Variants in FBN2 observed in about 807,000 individuals in gnomAD.
FBN2 encodes the protein fibrillin-2.
A neutral mutation model predicts 355.6 loss-of-function variants in FBN2; 105 were observed. The ratio of observed to expected loss-of-function variants is 0.30; its 90% confidence interval spans 0.25 to 0.35. The LOEUF is 0.35. FBN2 is among the 10% of genes least tolerant of loss of function. The probability of loss-of-function intolerance (pLI) is 1.00; values close to 1 mark genes in which losing one functional copy is unlikely to be tolerated. For synonymous variants in FBN2, 1,350 were observed against 1,301.2 expected, an observed-to-expected ratio of 1.04 and a Z score of -0.81; for missense variants, 3,280 against 3,758.7, an observed-to-expected ratio of 0.87 and a Z score of 3.33.
chr5:128,493,727 T>C (rs891075274), intron 5 of FBN2, among the ~76,000 whole-genome samples: 8 of 152,160 alleles, frequency 5.3e-5, no homozygotes, highest in African/African-American at 1.9e-4. Context: ...GACTGCTACA[T>C]GGTCTAAGAA....
chr5:128,298,134 T>C (rs1006641902), intron 48 of FBN2, among the ~76,000 whole-genome samples: 4 of 151,776 alleles, frequency 2.6e-5, no homozygotes, highest in Non-Finnish European at 5.9e-5. Flanking sequence ...GGGTTGAAAA[T>C]TCTTTTCTTT....
At chr5:128,273,497 C>A (rs889252296) in intron 61 of FBN2, among the ~76,000 whole-genome samples, 1 of 152,164 alleles carries the variant, frequency 6.6e-6, no homozygotes, top group Non-Finnish European at 1.5e-5. Flanking sequence ...AATCATGGAA[C>A]AAAAGGCCAA....
At chr5:128,412,235 A>G (rs1163292071) in intron 7 of FBN2, among the ~76,000 whole-genome samples, 1 of 152,232 alleles carries the variant, frequency 6.6e-6, no homozygotes, top group Non-Finnish European at 1.5e-5. Flanking sequence ...TGTCTTGTTC[A>G]GTTTCTGTGA....
intron 36 of FBN2, among the ~76,000 whole-genome samples, chr5:128,317,839 C>T (rs1335739302): frequency 1.3e-5 from 2 of 152,156 alleles, no homozygotes; most frequent in African/African-American, 2.4e-5. Context: ...AGCTATACCA[C>T]CACTCTGGGT....
At chr5:128,412,756 T>C (rs1379356607) in intron 7 of FBN2, among the ~76,000 whole-genome samples, 2 of 152,210 alleles carry the variant, frequency 1.3e-5, no homozygotes, top group Non-Finnish European at 2.9e-5. Flanking sequence ...CTGAAGGTGA[T>C]GAATAGTGTC....
chr5:128,418,695 T>C (rs1039917971), intron 7 of FBN2, among the ~76,000 whole-genome samples: 3 of 152,210 alleles, frequency 2.0e-5, no homozygotes, highest in African/African-American at 7.2e-5. Flanking sequence ...CTTATTGATT[T>C]CTTGTTTTAT....
intron 16 of FBN2, among the ~76,000 whole-genome samples, chr5:128,368,433 TACAC>T (rs201535383): frequency 1.3e-4 from 18 of 135,216 alleles, no homozygotes; most frequent in South Asian, 7.0e-4. Context: ...TATATATATA[TACAC>T]ATATATACAT....
intron 11 of FBN2, among the ~76,000 whole-genome samples, chr5:128,380,614 C>T (rs888540963): frequency 6.6e-6 from 1 of 152,104 alleles, no homozygotes; most frequent in Non-Finnish European, 1.5e-5. Context: ...TAATCGTTCA[C>T]TTAATTTTGG....
At chr5:128,505,097 C>T (rs1030280204) in intron 5 of FBN2, among the ~76,000 whole-genome samples, 1 of 152,202 alleles carries the variant, frequency 6.6e-6, no homozygotes, top group African/African-American at 2.4e-5. Flanking sequence ...CATTTGCCTT[C>T]TGCCGTGATT....
At chr5:128,392,990 C>G in intron 10 of FBN2, 145 bp downstream of exon 10, 2 of 442,580 alleles carry the variant, frequency 4.5e-6, no homozygotes, top group South Asian at 6.4e-5. Flanking sequence ...TTCCCTCTGT[C>G]TCTCTCTCTC....
intron 33 of FBN2, among the ~76,000 whole-genome samples, chr5:128,329,616 G>A (rs979717848): frequency 3.3e-5 from 5 of 152,196 alleles, no homozygotes; most frequent in African/African-American, 7.2e-5. Context: ...TGAAAGCCAT[G>A]CTCTTTCCTT....
At chr5:128,522,756 C>T (rs1176325270) in intron 4 of FBN2, among the ~76,000 whole-genome samples, 1 of 151,692 alleles carries the variant, frequency 6.6e-6, no homozygotes, top group Non-Finnish European at 1.5e-5. Context: ...TTTTTTGTAA[C>T]AAAAAAGAAT....
intron 7 of FBN2, among the ~76,000 whole-genome samples, chr5:128,424,637 T>G (rs1477690405): frequency 1.3e-5 from 2 of 152,198 alleles, no homozygotes; most frequent in Non-Finnish European, 2.9e-5. Flanking sequence ...TTGTTATCAT[T>G]AATAGGAACT....
intron 7 of FBN2, among the ~76,000 whole-genome samples, chr5:128,421,214 C>G (rs1753343135): frequency 1.3e-5 from 2 of 152,092 alleles, no homozygotes; most frequent in South Asian, 4.2e-4. Context: ...TGAGGAGTGA[C>G]CAAATCATTA....
chr5:128,462,770 A>G (rs930505153), intron 6 of FBN2, among the ~76,000 whole-genome samples: 4 of 152,208 alleles, frequency 2.6e-5, no homozygotes, highest in African/African-American at 9.6e-5. Context: ...AGAAAAGTCA[A>G]TAATTTGGAA....
rs115099405 is a variant in FBN2 at position 128,349,616 on chromosome 5, C to A, written c.2864-144G>T. The stretch of plus-strand genomic sequence containing the variant: ...GAGTTAAACAGAAATATTCCACAAC[C>A]GAGCCACCCGCTTTCCTAGGTACCA... On this transcript the variant is annotated intron_variant, in intron 22 of 64. Transcript: ENST00000262464. 3.4e-4 allele frequency: 358 copies of A among 1,052,998 alleles called. No homozygotes were observed. The African/African-American group carries it at 4.7e-3, about 14-fold the overall frequency. The allele number at this position is 1,052,998 out of a possible 1,614,324, so 65.2% of individuals were successfully genotyped here.
At chr5:128,360,491 G>T (rs1751611334) in intron 19 of FBN2, among the ~76,000 whole-genome samples, 1 of 152,116 alleles carries the variant, frequency 6.6e-6, no homozygotes, top group Admixed American at 6.5e-5. Context: ...TTCCTGAAAA[G>T]ATGTTGGACA....
intron 11 of FBN2, among the ~76,000 whole-genome samples, chr5:128,384,507 A>G (rs1262674461): frequency 7.2e-5 from 11 of 152,144 alleles, no homozygotes; most frequent in Non-Finnish European, 1.3e-4. Context: ...TACTTCCATC[A>G]TGATTAACTA....
chr5:128,446,387 T>G, intron 7 of FBN2, 94 bp downstream of exon 7: 1 of 1,304,674 alleles, frequency 7.7e-7, no homozygotes, highest in Non-Finnish European at 1.1e-6. Context: ...AGAGTTTTAA[T>G]TGTGACCAGT....
Sources: allele counts gnomAD v4.1 joint callset (sites outside exome capture counted in the v4.1 genomes callset), GRCh38; gene constraint gnomAD v4.1.1; transcripts MANE v1.5; gene names NCBI Gene and HGNC (gene_info 2026-07-23, HGNC 2026-07-21).